The following SCAI variants were observed in gnomAD, a reference collection of about 807,000 sequenced individuals.
SCAI encodes the protein protein SCAI.
Under a neutral mutation model 92.2 loss-of-function variants are expected in SCAI, and 24 were observed. The observed-to-expected ratio is 0.26, with a 90% confidence interval of 0.19 to 0.37. The LOEUF is 0.37. Among genes scored for constraint, SCAI ranks in the 10% least tolerant of loss-of-function variants. The pLI, the probability that SCAI is intolerant of heterozygous loss-of-function variation, is 1.00. For missense variants in SCAI, 450 were observed against 736.2 expected, an observed-to-expected ratio of 0.61 and a Z score of 4.50; for synonymous variants, 261 against 258.6, an observed-to-expected ratio of 1.01 and a Z score of -0.09.
chr9:125,046,196 G>GAGATATATATAT (rs371482525), intron 3 of SCAI, among the ~76,000 whole-genome samples: 3 of 51,868 alleles, frequency 5.8e-5, no homozygotes, highest in South Asian at 9.7e-4. Flanking sequence ...GAAATTGTGA[G>GAGATATATATAT]ATATATATAT....
At position 125,028,930 on chromosome 9, in the gene SCAI, T is replaced by G. The variant is rs538669092; in HGVS notation, c.327-452A>C. ...CTGCTGCCTCAGTCTCCTGAATAGC[T>G]GGGATTACAGGTGTGCACCACCATG... is the stretch of plus-strand genomic sequence containing the variant. On this transcript the variant is annotated intron_variant, in intron 4 of 17. Transcript: ENST00000336505. 6.6e-5 allele frequency among the ~76,000 whole-genome samples: 10 copies of G among 152,134 alleles called. 1 individual carries two copies. The highest frequency in any genetic ancestry group is 2.4e-4 in the African/African-American group (10 of 41,488).
At chr9:125,032,503 T>C (rs1833098901) in intron 3 of SCAI, among the ~76,000 whole-genome samples, 1 of 151,662 alleles carries the variant, frequency 6.6e-6, no homozygotes, top group Admixed American at 6.6e-5. Flanking sequence ...CTGGTTAGCT[T>C]TCCTTTTGCA....
intron 17 of SCAI, among the ~76,000 whole-genome samples, chr9:124,954,641 TATACAATTCA>T (rs1227171830): frequency 3.9e-5 from 6 of 152,210 alleles, no homozygotes; most frequent in African/African-American, 1.2e-4. Context: ...CCATTTAAAG[TATACAATTCA>T]GTGGCATTTA....
At chr9:125,131,032 A>G (rs888334356) in intron 2 of SCAI, among the ~76,000 whole-genome samples, 1 of 135,728 alleles carries the variant, frequency 7.4e-6, no homozygotes, top group Non-Finnish European at 1.5e-5. Flanking sequence ...TGATGCTCCT[A>G]CCTCGGCCTC....
intron 2 of SCAI, among the ~76,000 whole-genome samples, chr9:125,063,389 A>C (rs1171748255): frequency 6.6e-6 from 1 of 151,990 alleles, no homozygotes; most frequent in Non-Finnish European, 1.5e-5. Flanking sequence ...AGGAGGAAAA[A>C]AAAAAAAAAA....
chr9:125,093,069 C>G (rs1275389705), intron 2 of SCAI, among the ~76,000 whole-genome samples: 1 of 152,222 alleles, frequency 6.6e-6, no homozygotes, highest in Non-Finnish European at 1.5e-5. Context: ...CCTTCTAAAA[C>G]ATCATTTCCG....
chr9:125,024,646 C>G (rs113346233), intron 6 of SCAI, among the ~76,000 whole-genome samples: 7 of 152,258 alleles, frequency 4.6e-5, no homozygotes, highest in African/African-American at 1.7e-4. Context: ...AGGCTCCCTA[C>G]TTACAAGACA....
At chr9:125,057,829 C>A (rs984859284) in intron 2 of SCAI, among the ~76,000 whole-genome samples, 1 of 152,202 alleles carries the variant, frequency 6.6e-6, no homozygotes, top group African/African-American at 2.4e-5. Flanking sequence ...TGCAGTGGCT[C>A]ACGCCTGTAA....
intron 9 of SCAI, among the ~76,000 whole-genome samples, chr9:125,008,436 G>C (rs1564376377): frequency 6.6e-6 from 1 of 152,074 alleles, no homozygotes; most frequent in African/African-American, 2.4e-5. Flanking sequence ...TGCCTGGCCT[G>C]ATATTTGTAT....
chr9:124,975,744 T>C (rs1445771610), intron 15 of SCAI, among the ~76,000 whole-genome samples: 1 of 152,224 alleles, frequency 6.6e-6, no homozygotes, highest in South Asian at 2.1e-4. Flanking sequence ...TCTTAAAAGA[T>C]GCCTTGGATC....
chr9:125,136,338 T>C (rs1262721690), intron 2 of SCAI, among the ~76,000 whole-genome samples: 6 of 152,004 alleles, frequency 3.9e-5, no homozygotes, highest in Non-Finnish European at 5.9e-5. Flanking sequence ...CTTGAACTCC[T>C]GGGCTCACAC....
At chr9:125,096,483 T>G (rs1334368860) in intron 2 of SCAI, among the ~76,000 whole-genome samples, 1 of 152,192 alleles carries the variant, frequency 6.6e-6, no homozygotes, top group African/African-American at 2.4e-5. Flanking sequence ...TCTACTTTAT[T>G]TCTTTGGTCC....
chr9:125,015,271 G>A (rs950107902), intron 9 of SCAI, among the ~76,000 whole-genome samples: 26 of 152,184 alleles, frequency 1.7e-4, no homozygotes, highest in Non-Finnish European at 3.2e-4. Context: ...GAAAATGTTC[G>A]CAACCTACTC....
At chr9:125,143,187 T>G (rs1588262844) in intron 1 of SCAI, among the ~76,000 whole-genome samples, 198 bp downstream of exon 1, 1 of 94,136 alleles carries the variant, frequency 1.1e-5, no homozygotes, top group South Asian at 3.3e-4. Context: ...CACACGCCCC[T>G]CTCACCTGGC....
intron 2 of SCAI, among the ~76,000 whole-genome samples, chr9:125,074,753 C>T (rs1834052509): frequency 6.6e-6 from 1 of 151,422 alleles, no homozygotes; most frequent in African/African-American, 2.4e-5. Context: ...GCCTGTAATC[C>T]CAACACTTTG....
At chr9:125,128,251 AG>A (rs1376879452) in intron 2 of SCAI, among the ~76,000 whole-genome samples, 1 of 152,158 alleles carries the variant, frequency 6.6e-6, no homozygotes, top group Non-Finnish European at 1.5e-5. Flanking sequence ...CAGGCGTTCA[AG>A]GTGCTGTAAG....
chr9:124,952,740 G>T lies in SCAI; in HGVS notation c.*67C>A, dbSNP rs761058463. 7.4e-7 allele frequency: 1 copy of T among 1,358,954 alleles called. No individual in the cohort carries two copies. Among genetic ancestry groups the T allele is most frequent in the Non-Finnish European group, 1.0e-6 (1 of 970,282 alleles). The allele number at this position is 1,358,954 out of a possible 1,614,324, so 84.2% of individuals were successfully genotyped here. On this transcript the variant is annotated 3_prime_UTR_variant, in exon 18 of 18. Transcript: ENST00000336505. Reference sequence around the variant, plus strand: ...GTAACACCACTATGTGTCTTATCACGTTAGAAAACTGCACCATTTAAAATT... The same window carrying T: ...GTAACACCACTATGTGTCTTATCACTTTAGAAAACTGCACCATTTAAAATT...
At chr9:125,102,619 A>G (rs936427877) in intron 2 of SCAI, among the ~76,000 whole-genome samples, 9 of 149,180 alleles carry the variant, frequency 6.0e-5, no homozygotes, top group Non-Finnish European at 1.3e-4. Flanking sequence ...TTTTTTTGAG[A>G]TGGAGTGTCA....
intron 5 of SCAI, 128 bp downstream of exon 5, chr9:125,028,263 GA>G: frequency 1.7e-6 from 1 of 575,056 alleles, no homozygotes; most frequent in South Asian, 2.1e-5. Context: ...AATCTGGTCC[GA>G]ACTACTAGAG....
Sources: gnomAD v4.1 joint callset for allele counts (sites outside exome capture counted in the v4.1 genomes callset) on GRCh38, gnomAD v4.1.1 for gene constraint, MANE v1.5 for transcripts, NCBI Gene and HGNC (gene_info 2026-07-23, HGNC 2026-07-21) for gene names.